Variants in CD53 observed in about 807,000 individuals in gnomAD.
The protein encoded by CD53 is leukocyte surface antigen CD53.
Under a neutral mutation model 27.3 loss-of-function variants are expected in CD53, and 20 were observed. That is an observed-to-expected ratio of 0.73 (90% CI 0.52 to 1.07). The LOEUF is 1.07. CD53 is among the 50% of genes least tolerant of loss of function. The probability of loss-of-function intolerance (pLI) is 0.00; values close to 1 mark genes in which losing one functional copy is unlikely to be tolerated. For synonymous variants in CD53, 106 were observed against 105.3 expected (o/e 1.01, Z -0.04); for missense variants, 216 against 264.0 (o/e 0.82, Z 1.26).
At chr1:110,897,765 T>G in intron 6 of CD53, 44 bp from the exon 7 acceptor site, 1 of 1,170,016 alleles carries the variant, frequency 8.5e-7, no homozygotes, top group South Asian at 1.3e-5. Flanking sequence ...CTTGATATGG[T>G]GGAATTATAG....
In CD53 at chr1:110,886,846, A is replaced by AAGATATATAT. The variant is rs141935496; in HGVS notation, c.-17-4545_-17-4544insGATATATATA. ...GGCAACAGAGCGAGACTCTGTCTCC[A>AAGATATATAT]ATATATATATATATATATATATATT... On this transcript the variant is annotated intron_variant, in intron 1 of 7. Coordinates refer to ENST00000271324, the MANE Select transcript of CD53 (RefSeq NM_000560.4). Among the ~76,000 whole-genome samples the AAGATATATAT allele has an allele frequency of 1.1e-3, 112 of 100,990 alleles. 10 individuals are homozygous for AAGATATATAT. The highest frequency in any genetic ancestry group is 6.0e-3 in the East Asian group (22 of 3,684). 66.3% of individuals were successfully genotyped at this position (100,990 alleles called of 152,430 possible).
chr1:110,884,892 C>A (rs1030203460), intron 1 of CD53, among the ~76,000 whole-genome samples: 4 of 151,912 alleles, frequency 2.6e-5, no homozygotes, highest in Non-Finnish European at 5.9e-5. Context: ...TTTTTTCAAT[C>A]CATCTATTTA....
intron 1 of CD53, among the ~76,000 whole-genome samples, chr1:110,886,677 T>C (rs952184046): frequency 2.0e-5 from 3 of 151,854 alleles, no homozygotes; most frequent in South Asian, 4.2e-4. Context: ...GGTGAAACCC[T>C]GTCTCTACTA....
chr1:110,893,415 C>T (rs866860438), intron 3 of CD53, among the ~76,000 whole-genome samples: 27 of 152,276 alleles, frequency 1.8e-4, no homozygotes, highest in African/African-American at 5.1e-4. Context: ...CTCCGCCTCC[C>T]GGGTTCAAGC....
At chr1:110,880,364 GA>G (rs1656309159) in intron 1 of CD53, 1 of 152,156 alleles carries the variant, frequency 6.6e-6, no homozygotes, top group Admixed American at 6.5e-5. Flanking sequence ...AATTTAGTAT[GA>G]GTCTGGAGAG....
At position 110,896,693 on chromosome 1, in the gene CD53, G is replaced by A; in HGVS notation, c.464G>A (p.Ser155Asn). ...ATAAATGGCACGAGTGATTGGACCA[G>A]TGGCCCACCAGCATCTTGCCCCTCA... ...CGINGTSDWT[S>N]GPPASCPSDR... is the part of the protein sequence containing the mutation. Residue 155 changes from serine to asparagine, a missense_variant, in exon 6 of 8, where the codon AGT becomes AAT. By Grantham distance (46) the Ser-to-Asn change is conservative (BLOSUM62 1). Coordinates refer to ENST00000271324, the MANE Select transcript of CD53 (RefSeq NM_000560.4). The A allele has an allele frequency of 6.2e-7, 1 of 1,613,650 alleles. No homozygotes were observed. Among genetic ancestry groups the A allele is most frequent in the Non-Finnish European group, 8.5e-7 (1 of 1,179,806 alleles).
At chr1:110,886,226 C>T (rs757301081) in intron 1 of CD53, among the ~76,000 whole-genome samples, 2 of 152,008 alleles carry the variant, frequency 1.3e-5, no homozygotes, top group Non-Finnish European at 2.9e-5. Flanking sequence ...TGCTCTTATC[C>T]TTACAATTGT....
In CD53 at chr1:110,894,513, G is replaced by C. The variant is rs997501541; in HGVS notation, c.327+112G>C. 10 of 819,464 alleles carry C rather than the reference G, an allele frequency of 1.2e-5. 1 individual carries two copies. The African/African-American group carries it at 1.4e-4, about 11-fold the overall frequency. 50.8% of individuals were successfully genotyped at this position (819,464 alleles called of 1,614,324 possible). A position where few individuals can be genotyped will look rare whatever the true frequency, so the allele number is the denominator to read the frequency against. ...GTTCTATAATAGAGATAGAAATGAAGTGGAAGGATAGAGGAAACAGAGAGT... is the reference window on the plus strand; with the variant it reads ...GTTCTATAATAGAGATAGAAATGAACTGGAAGGATAGAGGAAACAGAGAGT... On this transcript the variant is annotated intron_variant, in intron 4 of 7. Transcript: ENST00000271324.
At chr1:110,890,685 A>G (rs573131738) in intron 1 of CD53, among the ~76,000 whole-genome samples, 3 of 152,364 alleles carry the variant, frequency 2.0e-5, no homozygotes, top group African/African-American at 7.2e-5. Context: ...TGATGTCCTC[A>G]CTAAGAAAAT....
intron 1 of CD53, among the ~76,000 whole-genome samples, chr1:110,884,447 TG>T (rs1238411180): frequency 6.6e-6 from 1 of 152,154 alleles, no homozygotes; most frequent in South Asian, 2.1e-4. Flanking sequence ...TCTGCTGTTG[TG>T]GGGTGGAGTG....
At chr1:110,877,480 C>T (rs1656172256) in intron 1 of CD53, among the ~76,000 whole-genome samples, 1 of 152,194 alleles carries the variant, frequency 6.6e-6, no homozygotes, top group South Asian at 2.1e-4. Flanking sequence ...TTTTAGGTAA[C>T]TGTTCCTGAT....
At chr1:110,886,869 A>ATAT (rs1298376721) in intron 1 of CD53, among the ~76,000 whole-genome samples, 1,062 of 82,740 alleles carry the variant, frequency 0.013, 9 homozygotes, top group Non-Finnish European at 0.017. Context: ...ATATATATAT[A>ATAT]TTTTTTTTTT....
intron 1 of CD53, among the ~76,000 whole-genome samples, chr1:110,888,016 G>A (rs533953892): frequency 6.8e-4 from 103 of 152,268 alleles, no homozygotes; most frequent in Non-Finnish European, 1.2e-3. Context: ...CAGGAGATAA[G>A]AGTGGAAAGT....
chr1:110,877,649 T>G (rs1656178549), intron 1 of CD53, among the ~76,000 whole-genome samples: 1 of 152,214 alleles, frequency 6.6e-6, no homozygotes, highest in Non-Finnish European at 1.5e-5. Flanking sequence ...TTCTCTCTTC[T>G]TCTATAAATC....
chr1:110,873,436 A>G (rs749271005), intron 1 of CD53, among the ~76,000 whole-genome samples, 188 bp downstream of exon 1: 1 of 152,196 alleles, frequency 6.6e-6, no homozygotes, highest in Non-Finnish European at 1.5e-5. Context: ...TCAGGCCAGA[A>G]ATACTTTTAC....
At position 110,894,359 on chromosome 1, in the gene CD53, T is replaced by C; in HGVS notation, c.285T>C (p.Ala95=). 6.2e-7 allele frequency: 1 copy of C among 1,614,124 alleles called. No individual in the cohort carries two copies. The highest frequency in any genetic ancestry group is 8.5e-7 in the Non-Finnish European group (1 of 1,179,972). ...FFILLLIILL[A]EVTLAILLFV... is the part of the protein sequence containing the mutation. ...TCCTGCTGCTGATTATCCTCCTTGC[T>C]GAGGTGACCTTGGCCATCCTGCTCT... Residue 95 remains alanine, a synonymous_variant, in exon 4 of 8, where the codon GCT becomes GCC. Coordinates refer to ENST00000271324, the MANE Select transcript of CD53 (RefSeq NM_000560.4).
chr1:110,895,190 C>A, intron 5 of CD53, 135 bp downstream of exon 5: 1 of 661,160 alleles, frequency 1.5e-6, no homozygotes. Flanking sequence ...AATGCCTTGG[C>A]TATCACAAAC....
rs202225968 is a variant in CD53, at chr1:110,891,478, G to T, written c.63+7G>T. 2 of 1,608,252 alleles carry T rather than the reference G, an allele frequency of 1.2e-6. No homozygotes were observed. The highest frequency in any genetic ancestry group is 1.7e-6 in the Non-Finnish European group (2 of 1,174,632). ...CTTCAACTTGCTCTTTTGGGTAAGTGTATCTCTTCTGAGCACGGTTTAGCT... is the reference window on the plus strand; with the variant it reads ...CTTCAACTTGCTCTTTTGGGTAAGTTTATCTCTTCTGAGCACGGTTTAGCT... On this transcript the variant is annotated splice_region_variant and intron_variant, in intron 2 of 7. Transcript: ENST00000271324.
upstream of CD53, among the ~76,000 whole-genome samples, chr1:110,871,814 T>TATACAC (rs3220978): frequency 6.9e-6 from 1 of 145,670 alleles, no homozygotes; most frequent in Non-Finnish European, 1.5e-5. Flanking sequence ...CAAGAGAAAC[T>TATACAC]ACACACACAC....
Sources: gnomAD v4.1 joint callset for allele counts (sites outside exome capture counted in the v4.1 genomes callset) on GRCh38, gnomAD v4.1.1 for gene constraint, MANE v1.5 for transcripts, NCBI Gene and HGNC (gene_info 2026-07-23, HGNC 2026-07-21) for gene names.